Variants in PLCB3 observed in about 807,000 individuals in gnomAD.
The protein encoded by PLCB3 is phospholipase C beta 3.
PLCB3 carries 54 observed loss-of-function variants against 152.1 expected under a neutral mutation model. The ratio of observed to expected loss-of-function variants is 0.36; its 90% CI spans 0.29 to 0.45. The LOEUF (loss-of-function observed/expected upper bound fraction) is 0.45. Ranked by LOEUF, PLCB3 falls within the 20% of genes least tolerant of loss-of-function variation. PLCB3 has a pLI of 1.00. For synonymous variants in PLCB3, 717 were observed against 698.7 expected (o/e 1.03, Z -0.41); for missense variants, 1,248 against 1,687.5 (o/e 0.74, Z 4.56).
At chr11:64,257,908 C>T (rs2031623190) in intron 10 of PLCB3, among the ~76,000 whole-genome samples, 1 of 152,114 alleles carries the variant, frequency 6.6e-6, no homozygotes, top group Non-Finnish European at 1.5e-5. Flanking sequence ...AATCCCAGAA[C>T]TTTGAAAGGC....
chr11:64,263,423 C>A, intron 19 of PLCB3, 75 bp from the exon 20 acceptor site: 1 of 857,236 alleles, frequency 1.2e-6, no homozygotes, highest in South Asian at 1.6e-5. Flanking sequence ...GCTTTGATGG[C>A]TGTGGTTAGC....
In PLCB3 at chr11:64,260,129, C is replaced by A. The variant is rs1183535147; in HGVS notation, c.1626C>A (p.Gly542=). ...CTCAGAAGTCTCTGGGTGACGAGGG[C>A]CTGAACCGAGGCCCCTATGTTCTTG... is the stretch of plus-strand genomic sequence containing the variant. ...LEPQKSLGDE[G]LNRGPYVLGP... The change falls in exon 14 of 31, where the codon GGC becomes GGA. Residue 542 remains glycine, a synonymous_variant. Coordinates refer to ENST00000279230, the MANE Select transcript of PLCB3 (RefSeq NM_000932.5). The A allele has an allele frequency of 1.2e-6, 2 of 1,611,230 alleles. No individual in the cohort carries two copies. Among genetic ancestry groups the A allele is most frequent in the South Asian group, 1.1e-5 (1 of 90,668 alleles).
At position 64,258,551 on chromosome 11, in the gene PLCB3, A is replaced by AG; in HGVS notation, c.1091_1092insG (p.Asp364GlufsTer9). The AG allele has an allele frequency of 6.2e-7, 1 of 1,613,930 alleles. No individual in the cohort carries two copies. Among genetic ancestry groups the AG allele is most frequent in the Non-Finnish European group, 8.5e-7 (1 of 1,179,996 alleles). On this transcript the variant is annotated frameshift_variant, in exon 11 of 31. Transcript: ENST00000279230. LOFTEE classifies it high-confidence loss of function. This position sits in a 1 kb window ranked among gnomAD's most constrained non-coding sequence, Gnocchi z 7.2. The stretch of plus-strand genomic sequence containing the variant: ...TGGGGCTGCCGCTGCGTGGAGCTGG[A>AG]CGTGTGGAAGGGACGGCCGCCTGAG...
rs766564841 is a variant in PLCB3 at position 64,267,590 on chromosome 11, G to A, written c.*34G>A. The A allele has an allele frequency of 1.6e-5, 24 of 1,498,212 alleles. No homozygotes were observed. The highest frequency in any genetic ancestry group is 6.9e-5 in the African/African-American group (5 of 72,434). 92.8% of individuals were successfully genotyped at this position (1,498,212 alleles called of 1,614,324 possible). Reference sequence around the variant, plus strand: ...AGCGAGGTGGCCACAGGGCCAGGGCGGGCGCTGGGTGGAGGGCAGGAGGCA... The same window carrying A: ...AGCGAGGTGGCCACAGGGCCAGGGCAGGCGCTGGGTGGAGGGCAGGAGGCA... On this transcript the variant is annotated 3_prime_UTR_variant, in exon 31 of 31. Coordinates refer to ENST00000279230, the MANE Select transcript of PLCB3 (RefSeq NM_000932.5). This position sits in a 1 kb window ranked among gnomAD's most constrained non-coding sequence, Gnocchi z 5.2.
At chr11:64,260,284 C>T in intron 14 of PLCB3, 50 bp downstream of exon 14, 1 of 1,367,478 alleles carries the variant, frequency 7.3e-7, no homozygotes, top group Non-Finnish European at 1.0e-6. Flanking sequence ...TATTTACCTC[C>T]CAGGGGGCTG....
At position 64,255,017 on chromosome 11, in the gene PLCB3, C is replaced by G. The variant is rs1323094165; in HGVS notation, c.366C>G (p.Ala122=). The change falls in exon 4 of 31, where the codon GCC becomes GCG. Residue 122 remains alanine, a synonymous_variant. Coordinates refer to ENST00000279230, the MANE Select transcript of PLCB3 (RefSeq NM_000932.5). The surrounding 1 kb of genome is among the most constrained non-coding windows in gnomAD (Gnocchi z 6.8). Reference sequence around the variant, plus strand: ...ACACAGTGTTCTTGAACTTCATGGCCGTGCAGGATGACACAGCCAAGGTGG... The same window carrying G: ...ACACAGTGTTCTTGAACTTCATGGCGGTGCAGGATGACACAGCCAAGGTGG... ...PVNTVFLNFM[A]VQDDTAKVWS... 6.4e-7 allele frequency: 1 copy of G among 1,569,378 alleles called. No homozygotes were observed. Among genetic ancestry groups the G allele is most frequent in the Non-Finnish European group, 8.7e-7 (1 of 1,154,466 alleles).
At chr11:64,265,826 C>T in intron 25 of PLCB3, 60 bp from the exon 26 acceptor site, 2 of 1,572,198 alleles carry the variant, frequency 1.3e-6, no homozygotes, top group Non-Finnish European at 1.7e-6. Flanking sequence ...CCCTACACAC[C>T]CTCCCCATCC....
At chr11:64,264,876 C>T in intron 22 of PLCB3, 75 bp from the exon 23 acceptor site, 1 of 1,465,886 alleles carries the variant, frequency 6.8e-7, no homozygotes, top group Non-Finnish European at 9.5e-7. Context: ...CTAGGGGACC[C>T]AGGAGGTGGT....
downstream of PLCB3, chr11:64,269,245 G>C (rs1194990801): frequency 6.6e-6 from 1 of 152,448 alleles, no homozygotes; most frequent in African/African-American, 2.4e-5. Context: ...CGCAGCTCTA[G>C]CTGCCTCCTC....
Position 64,261,808 on chromosome 11 carries a change from A to G in PLCB3, c.1913+143A>G, listed in dbSNP as rs902684027. The G allele has an allele frequency of 2.8e-6, 4 of 1,435,022 alleles. No homozygotes were observed. The African/African-American group carries it at 5.6e-5, about 20-fold the overall frequency. The allele number at this position is 1,435,022 out of a possible 1,614,324, so 88.9% of individuals were successfully genotyped here. On this transcript the variant is annotated intron_variant, in intron 16 of 30. Transcript: ENST00000279230. ...CTGCACCCTGGCCTGGGGCTTGGGC[A>G]GATCCAGGCAGTCTCAGGGGGCATG...
Position 64,254,642 on chromosome 11 carries a change from C to T in PLCB3, c.178-106C>T, listed in dbSNP as rs2031419366. On this transcript the variant is annotated intron_variant, in intron 2 of 30. Transcript: ENST00000279230. ...CTCAGGGCAGGAGCTGAGGCTGGGG[C>T]TATAGCCAGGGGCTGGCCATTCCCT... The T allele has an allele frequency of 5.0e-6, 7 of 1,399,230 alleles. No individual in the cohort carries two copies. In the African/African-American group the frequency reaches 7.1e-5, roughly 14 times the overall value. The allele number at this position is 1,399,230 out of a possible 1,614,324, so 86.7% of individuals were successfully genotyped here. A position where few individuals can be genotyped will look rare whatever the true frequency, so the allele number is the denominator to read the frequency against.
In PLCB3 at chr11:64,255,129, GCT is replaced by G; in HGVS notation, c.387+94_387+95del. ...CCGAACACCTGCTGTGTTCTAGGCT[GCT>G]CTGTGACCTACTGTGTACCAGAGGC... On this transcript the variant is annotated intron_variant, in intron 4 of 30. Coordinates refer to ENST00000279230, the MANE Select transcript of PLCB3 (RefSeq NM_000932.5). This position sits in a 1 kb window ranked among gnomAD's most constrained non-coding sequence, Gnocchi z 6.8. 6.5e-7 allele frequency: 1 copy of G among 1,541,188 alleles called. No homozygotes were observed. Among genetic ancestry groups the G allele is most frequent in the Non-Finnish European group, 9.0e-7 (1 of 1,115,440 alleles).
Position 64,254,510 on chromosome 11 carries a change from T to G in PLCB3, c.177+18T>G, listed in dbSNP as rs766627412. On this transcript the variant is annotated intron_variant, in intron 2 of 30. Coordinates refer to ENST00000279230, the MANE Select transcript of PLCB3 (RefSeq NM_000932.5). ...CCAACATGGTGAGGGTGGGCGCTGG[T>G]GCAGCTCGCTCAGGCCAAGGACCCC... is the stretch of plus-strand genomic sequence containing the variant. The G allele has an allele frequency of 6.2e-7, 1 of 1,610,826 alleles. No individual in the cohort carries two copies. Among genetic ancestry groups the G allele is most frequent in the South Asian group, 1.1e-5 (1 of 91,032 alleles).
intron 1 of PLCB3, among the ~76,000 whole-genome samples, chr11:64,252,714 C>T (rs2031286629): frequency 6.6e-6 from 1 of 152,030 alleles, no homozygotes; most frequent in Non-Finnish European, 1.5e-5. Context: ...CGGGGGAGAC[C>T]CCTCCCCCCA....
chr11:64,252,725 G>C (rs1463319430), intron 1 of PLCB3, among the ~76,000 whole-genome samples: 1 of 152,276 alleles, frequency 6.6e-6, no homozygotes, highest in African/African-American at 2.4e-5. Context: ...CCTCCCCCCA[G>C]GCTGGCCTGA....
intron 14 of PLCB3, among the ~76,000 whole-genome samples, chr11:64,260,460 A>G (rs921501498): frequency 1.3e-5 from 2 of 152,074 alleles, no homozygotes; most frequent in African/African-American, 2.4e-5. Context: ...GAACTGGCAG[A>G]GGATAGGGAG....
rs941694561 is a variant in PLCB3, at chr11:64,258,540, C to A, written c.1080C>A (p.Cys360Ter). The change falls in exon 11 of 31, where the codon TGC becomes TGA. Residue 360 changes from cysteine to a stop codon, truncating the protein, a stop_gained. Transcript: ENST00000279230. LOFTEE classifies it high-confidence loss of function. This position sits in a 1 kb window ranked among gnomAD's most constrained non-coding sequence, Gnocchi z 7.2. ...YRQALLWGCR[C>*]VELDVWKGRP... is the part of the protein sequence containing the mutation. ...AGGCACTACTATGGGGCTGCCGCTG[C>A]GTGGAGCTGGACGTGTGGAAGGGAC... The A allele has an allele frequency of 6.2e-7, 1 of 1,613,864 alleles. No individual in the cohort carries two copies. Among genetic ancestry groups the A allele is most frequent in the East Asian group, 2.2e-5 (1 of 44,866 alleles).
At position 64,264,099 on chromosome 11, in the gene PLCB3, T is replaced by A. The variant is rs200263631; in HGVS notation, c.2639T>A (p.Ile880Asn). 6.5e-7 allele frequency: 1 copy of A among 1,539,182 alleles called. No homozygotes were observed. Among genetic ancestry groups the A allele is most frequent in the African/African-American group, 1.4e-5 (1 of 72,248 alleles). Reference sequence around the variant, plus strand: ...AGGGCCCGGCAGCTGGCCGCCCTCATTGGGGAGAGTGAGGTGAGCCGGGGC... The same window carrying A: ...AGGGCCCGGCAGCTGGCCGCCCTCAATGGGGAGAGTGAGGTGAGCCGGGGC... ...DQRARQLAALIGESEAQAGQE... is the reference protein window; with the variant it reads ...DQRARQLAALNGESEAQAGQE... The change falls in exon 22 of 31, where the codon ATT becomes AAT. Residue 880 changes from isoleucine to asparagine, a missense_variant. By Grantham distance (149) the Ile-to-Asn change is moderately radical. Coordinates refer to ENST00000279230, the MANE Select transcript of PLCB3 (RefSeq NM_000932.5).
Position 64,255,634 on chromosome 11 carries a change from A to AG in PLCB3, c.597+22dup. On this transcript the variant is annotated intron_variant, in intron 7 of 30. Coordinates refer to ENST00000279230, the MANE Select transcript of PLCB3 (RefSeq NM_000932.5). This position sits in a 1 kb window ranked among gnomAD's most constrained non-coding sequence, Gnocchi z 6.8. ...TCAACCGGGTGTGTGGGGTGGGGAC[A>AG]GGGGCGGGGTGGGGTGTCACGGTGG... 7 of 583,160 alleles carry AG rather than the reference A, an allele frequency of 1.2e-5. No individual in the cohort carries two copies. Among genetic ancestry groups the AG allele is most frequent in the Admixed American group, 6.6e-5 (3 of 45,432 alleles). 36.1% of individuals were successfully genotyped at this position (583,160 alleles called of 1,614,324 possible). A position where few individuals can be genotyped will look rare whatever the true frequency, so the allele number is the denominator to read the frequency against.
Sources: allele counts gnomAD v4.1 joint callset (sites outside exome capture counted in the v4.1 genomes callset), GRCh38; gene constraint gnomAD v4.1.1; non-coding constraint Gnocchi (gnomAD v3.1); transcripts MANE v1.5; gene names NCBI Gene and HGNC (gene_info 2026-07-23, HGNC 2026-07-21).